FRMPD1: variants seen among roughly 807,000 people sequenced by gnomAD.
The protein encoded by FRMPD1 is FERM and PDZ domain containing 1.
In FRMPD1, 76 loss-of-function variants were observed where a neutral mutation model predicts 117.8. The ratio of observed to expected loss-of-function variants is 0.65; its 90% CI spans 0.54 to 0.78. The LOEUF is 0.78. Among genes scored for constraint, FRMPD1 ranks in the 30% least tolerant of loss-of-function variants. The probability of loss-of-function intolerance (pLI) is 0.00; values close to 1 mark genes in which losing one functional copy is unlikely to be tolerated. For synonymous variants in FRMPD1, 783 were observed against 770.4 expected, an observed-to-expected ratio of 1.02 and a Z score of -0.27; for missense variants, 1,786 against 1,964.5, an observed-to-expected ratio of 0.91 and a Z score of 1.72.
In FRMPD1 at chr9:37,746,211, G is replaced by C; in HGVS notation, c.4179G>C (p.Leu1393=). 1 of 1,613,256 alleles carries C rather than the reference G, an allele frequency of 6.2e-7. No homozygotes were observed. Among genetic ancestry groups the C allele is most frequent in the Non-Finnish European group, 8.5e-7 (1 of 1,179,932 alleles). Reference sequence around the variant, plus strand: ...CCCACAGCTGCACCACCGCACCCCTGTCGAGGAAAAGCCACATCTGGCCAG... The same window carrying C: ...CCCACAGCTGCACCACCGCACCCCTCTCGAGGAAAAGCCACATCTGGCCAG... ...ARAHSCTTAP[L]SRKSHIWPEY... The change falls in exon 16 of 16, where the codon CTG becomes CTC. Residue 1393 remains leucine, a synonymous_variant. Coordinates refer to ENST00000377765, the MANE Select transcript of FRMPD1 (RefSeq NM_014907.3).
intron 4 of FRMPD1, among the ~76,000 whole-genome samples, chr9:37,708,768 C>T (rs927613931): frequency 1.3e-5 from 2 of 152,164 alleles, no homozygotes; most frequent in African/African-American, 2.4e-5. Context: ...CCCAAGACAC[C>T]GTGCTAAGCA....
intron 1 of FRMPD1, chr9:37,669,900 G>A (rs1821290173): frequency 6.6e-6 from 1 of 152,060 alleles, no homozygotes; most frequent in Admixed American, 6.6e-5. Context: ...GGCTGAGGCA[G>A]GAGAATCGCT....
intron 6 of FRMPD1, among the ~76,000 whole-genome samples, chr9:37,720,754 G>T (rs569188965): frequency 6.6e-6 from 1 of 152,202 alleles, no homozygotes; most frequent in Non-Finnish European, 1.5e-5. Flanking sequence ...GGGCATGGTT[G>T]TGCGTGCCTG....
At chr9:37,619,423 G>T in the FRMPD1 span, among the ~76,000 whole-genome samples, 1 of 152,152 alleles carries the variant, frequency 6.6e-6, no homozygotes, top group Non-Finnish European at 1.5e-5. Flanking sequence ...AGAAAAGAGA[G>T]TTGTATTAAT....
chr9:37,731,176 G>A, intron 9 of FRMPD1, 73 bp downstream of exon 9: 1 of 1,404,782 alleles, frequency 7.1e-7, no homozygotes, highest in Non-Finnish European at 1.0e-6. Context: ...TTTTGAACGT[G>A]AGCTCGAGGC....
the FRMPD1 span, among the ~76,000 whole-genome samples, chr9:37,621,109 G>A: frequency 6.6e-6 from 1 of 152,192 alleles, no homozygotes; most frequent in Non-Finnish European, 1.5e-5. Context: ...GTGACTGACT[G>A]ATTCTTCATT....
At chr9:37,675,577 A>T (rs1422498207) in intron 1 of FRMPD1, among the ~76,000 whole-genome samples, 1 of 152,118 alleles carries the variant, frequency 6.6e-6, no homozygotes, top group Non-Finnish European at 1.5e-5. Context: ...TCTCAGGTGG[A>T]TGCCTGGGTT....
chr9:37,728,299 AAAT>A (rs1220070643), intron 7 of FRMPD1, among the ~76,000 whole-genome samples: 8 of 152,228 alleles, frequency 5.3e-5, no homozygotes, highest in Non-Finnish European at 7.3e-5. Context: ...TAATTGAAGA[AAAT>A]AATATTAAAT....
At chr9:37,715,265 T>C (rs1823070569) in intron 5 of FRMPD1, among the ~76,000 whole-genome samples, 1 of 152,222 alleles carries the variant, frequency 6.6e-6, no homozygotes, top group Non-Finnish European at 1.5e-5. Flanking sequence ...GAAGATACAC[T>C]CATTATTCCC....
At chr9:37,660,754 G>A (rs60858688) in intron 1 of FRMPD1, among the ~76,000 whole-genome samples, 3,138 of 152,260 alleles carry the variant, frequency 0.021, 113 homozygotes, top group African/African-American at 0.072. Context: ...CCCAGACAGT[G>A]TGGTCATGGG....
At chr9:37,629,751 A>T in the FRMPD1 span, among the ~76,000 whole-genome samples, 3 of 152,158 alleles carry the variant, frequency 2.0e-5, no homozygotes, top group Non-Finnish European at 2.9e-5. Context: ...TAACCTTTTC[A>T]GAGTTTAGAG....
intron 15 of FRMPD1, among the ~76,000 whole-genome samples, chr9:37,743,797 CT>C (rs1311631962): frequency 6.6e-6 from 1 of 151,256 alleles, no homozygotes; most frequent in Non-Finnish European, 1.5e-5. Flanking sequence ...CCTTGGGAGG[CT>C]GAGGTGGGAG....
At chr9:37,618,533 A>C in the FRMPD1 span, among the ~76,000 whole-genome samples, 476 of 152,308 alleles carry the variant, frequency 3.1e-3, 2 homozygotes, top group African/African-American at 0.011. Context: ...TGCTTCCCCA[A>C]AATGAGAAGC....
At chr9:37,618,104 A>G in the FRMPD1 span, among the ~76,000 whole-genome samples, 3 of 152,234 alleles carry the variant, frequency 2.0e-5, no homozygotes, top group South Asian at 2.1e-4. Flanking sequence ...TAAGGACTGC[A>G]AATGAGGTGC....
the FRMPD1 span, among the ~76,000 whole-genome samples, chr9:37,626,073 T>C: frequency 1.3e-5 from 2 of 152,024 alleles, no homozygotes; most frequent in East Asian, 3.9e-4. Flanking sequence ...ATGCCTGTAA[T>C]CTCAGCACTT....
At chr9:37,666,155 T>C (rs1395805636) in intron 1 of FRMPD1, among the ~76,000 whole-genome samples, 1 of 152,078 alleles carries the variant, frequency 6.6e-6, no homozygotes, top group East Asian at 1.9e-4. Flanking sequence ...GTAGTAGGAG[T>C]TCTCCTGACT....
intron 6 of FRMPD1, among the ~76,000 whole-genome samples, chr9:37,721,430 C>A (rs1823393931): frequency 6.6e-6 from 1 of 152,102 alleles, no homozygotes; most frequent in Non-Finnish European, 1.5e-5. Context: ...TTTGACTTTG[C>A]TCACAGTTAA....
chr9:37,691,600 A>AT (rs1210601990), intron 1 of FRMPD1, among the ~76,000 whole-genome samples: 2 of 152,316 alleles, frequency 1.3e-5, no homozygotes, highest in Middle Eastern at 3.4e-3. Flanking sequence ...TTCCAAGATA[A>AT]TTTTTTTAAA....
intron 6 of FRMPD1, among the ~76,000 whole-genome samples, chr9:37,723,374 C>T (rs1253253495): frequency 1.3e-5 from 2 of 152,202 alleles, no homozygotes; most frequent in African/African-American, 2.4e-5. Context: ...CACTCTTCTC[C>T]ACCGTTTGTC....
Sources: gnomAD v4.1 joint callset for allele counts (sites outside exome capture counted in the v4.1 genomes callset) on GRCh38, gnomAD v4.1.1 for gene constraint, MANE v1.5 for transcripts, NCBI Gene and HGNC (gene_info 2026-07-23, HGNC 2026-07-21) for gene names.